Variants in CFAP54 observed in about 807,000 individuals in gnomAD.
CFAP54 encodes the protein cilia- and flagella-associated protein 54.
CFAP54 carries 290 observed loss-of-function variants against 370.4 expected under a neutral mutation model. The observed-to-expected ratio is 0.78, with a 90% CI of 0.71 to 0.86. The LOEUF is 0.86. Ranked by LOEUF, CFAP54 falls within the 40% of genes least tolerant of loss-of-function variation. CFAP54 has a pLI of 0.00. For missense variants in CFAP54, 3,399 were observed against 3,528.7 expected (o/e 0.96, Z 0.93); for synonymous variants, 1,206 against 1,236.5 (o/e 0.98, Z 0.52).
At chr12:96,573,451 C>T (rs1325152437) in intron 19 of CFAP54, among the ~76,000 whole-genome samples, 1 of 152,106 alleles carries the variant, frequency 6.6e-6, no homozygotes, top group Non-Finnish European at 1.5e-5. Context: ...CAAGGGAGTC[C>T]TGTTCTGTGG....
chr12:96,601,428 T>C (rs1453653432), intron 26 of CFAP54, among the ~76,000 whole-genome samples: 3 of 152,234 alleles, frequency 2.0e-5, no homozygotes, highest in African/African-American at 7.2e-5. Context: ...TTTTTTGTTG[T>C]GTCTCTGCTA....
intron 28 of CFAP54, 117 bp downstream of exon 28, chr12:96,623,998 C>T (rs976762606): frequency 1.5e-6 from 1 of 661,996 alleles, no homozygotes; most frequent in Non-Finnish European, 2.5e-6. Context: ...AAGGTTTACA[C>T]AGTGCTTTTA....
intron 2 of CFAP54, among the ~76,000 whole-genome samples, chr12:96,501,714 A>AT (rs1955028929): frequency 1.3e-5 from 2 of 152,072 alleles, no homozygotes; most frequent in African/African-American, 4.8e-5. Context: ...TCTCAACTTC[A>AT]TTTTTCCCCT....
intron 39 of CFAP54, among the ~76,000 whole-genome samples, chr12:96,678,463 G>C (rs1246335454): frequency 6.6e-6 from 1 of 152,090 alleles, no homozygotes; most frequent in Non-Finnish European, 1.5e-5. Context: ...TGTTGGCCAG[G>C]ATGGTCTCAA....
intron 28 of CFAP54, among the ~76,000 whole-genome samples, chr12:96,624,627 T>G (rs1263406010): frequency 6.6e-6 from 1 of 152,194 alleles, no homozygotes; most frequent in Non-Finnish European, 1.5e-5. Flanking sequence ...ACTTCAAATC[T>G]TCTAGAACAA....
Position 96,501,037 on chromosome 12 carries a change from T to G in CFAP54, c.423+98T>G, listed in dbSNP as rs564041703. 2.3e-5 allele frequency: 15 copies of G among 642,682 alleles called. No homozygotes were observed. The African/African-American group carries it at 2.6e-4, about 11-fold the overall frequency. The allele number at this position is 642,682 out of a possible 1,614,324, so 39.8% of individuals were successfully genotyped here. A position where few individuals can be genotyped will look rare whatever the true frequency, so the allele number is the denominator to read the frequency against. On this transcript the variant is annotated intron_variant, in intron 2 of 67. Coordinates refer to ENST00000524981, the MANE Select transcript of CFAP54 (RefSeq NM_001306084.2). ...ACCCTTCCTATTTTACATGTTTTGA[T>G]TTTTCTCTTAGAAAAAAATAAATGA...
At chr12:96,690,289 A>G (rs1370364132) in intron 43 of CFAP54, among the ~76,000 whole-genome samples, 1 of 152,338 alleles carries the variant, frequency 6.6e-6, no homozygotes, top group South Asian at 2.1e-4. Flanking sequence ...ACTACAAAGT[A>G]TTTTAGAATA....
intron 17 of CFAP54, among the ~76,000 whole-genome samples, chr12:96,559,686 A>G (rs937136505): frequency 6.6e-6 from 1 of 152,140 alleles, no homozygotes; most frequent in Non-Finnish European, 1.5e-5. Flanking sequence ...ATATACATGG[A>G]CATATCCATA....
intron 26 of CFAP54, among the ~76,000 whole-genome samples, chr12:96,607,431 A>T (rs1592878620): frequency 6.6e-6 from 1 of 152,210 alleles, no homozygotes; most frequent in Non-Finnish European, 1.5e-5. Flanking sequence ...TGAACAAATG[A>T]ATTTGATTTT....
intron 39 of CFAP54, among the ~76,000 whole-genome samples, chr12:96,669,394 A>G (rs928924269): frequency 6.6e-6 from 1 of 152,214 alleles, no homozygotes; most frequent in Admixed American, 6.5e-5. Context: ...AACCTTTGTC[A>G]GCTGCGTGGG....
intron 17 of CFAP54, 96 bp downstream of exon 17, chr12:96,554,898 T>G: frequency 8.2e-7 from 1 of 1,212,652 alleles, no homozygotes. Context: ...TCTTGTTGAC[T>G]TAAGTTTTCA....
chr12:96,715,061 C>G (rs76261927), intron 48 of CFAP54, among the ~76,000 whole-genome samples: 13,060 of 152,164 alleles, frequency 0.086, 804 homozygotes, highest in South Asian at 0.28. Flanking sequence ...AAGTTATTTG[C>G]TAATTTCTGT....
rs375680234 is a variant in CFAP54 at position 96,644,575 on chromosome 12, C to A, written c.4547+167C>A. Among the ~76,000 whole-genome samples the A allele has an allele frequency of 1.2e-4, 19 of 152,160 alleles. 1 individual carries two copies. In the South Asian group the frequency reaches 3.9e-3, roughly 32 times the overall value. On this transcript the variant is annotated intron_variant, in intron 33 of 67. Transcript: ENST00000524981. ...TCTCACACTGCTATAAAGAACTTCCCGAGACTGGTAATTTATAAAGGAAGA... is the reference window on the plus strand; with the variant it reads ...TCTCACACTGCTATAAAGAACTTCCAGAGACTGGTAATTTATAAAGGAAGA...
intron 60 of CFAP54, among the ~76,000 whole-genome samples, chr12:96,782,429 C>T (rs772339884): frequency 1.3e-5 from 2 of 151,980 alleles, no homozygotes; most frequent in African/African-American, 2.4e-5. Flanking sequence ...GAAGTACAGG[C>T]AATAAAAATA....
chr12:96,760,937 G>GT (rs1463842660), intron 58 of CFAP54, among the ~76,000 whole-genome samples: 15 of 152,034 alleles, frequency 9.9e-5, no homozygotes, highest in Non-Finnish European at 5.9e-5. Context: ...TCATATACAA[G>GT]TTTTTTTGTG....
intron 26 of CFAP54, 137 bp from the exon 27 acceptor site, chr12:96,621,453 C>A (rs567905731): frequency 5.6e-6 from 3 of 535,142 alleles, no homozygotes; most frequent in Non-Finnish European, 8.8e-6. Context: ...GGTAAACTTA[C>A]GGTTTTTTTT....
chr12:96,628,645 C>G (rs1956571038), intron 30 of CFAP54, among the ~76,000 whole-genome samples: 1 of 152,138 alleles, frequency 6.6e-6, no homozygotes, highest in Non-Finnish European at 1.5e-5. Context: ...AACATTTGCC[C>G]AAACGAATGT....
At chr12:96,818,103 C>T (rs188368703) in intron 65 of CFAP54, among the ~76,000 whole-genome samples, 190 bp downstream of exon 65, 19 of 152,196 alleles carry the variant, frequency 1.2e-4, no homozygotes, top group African/African-American at 4.3e-4. Flanking sequence ...TCTAAGCATA[C>T]GAATTACAAG....
chr12:96,851,274 G>A (rs549941226), intron 66 of CFAP54, among the ~76,000 whole-genome samples: 4 of 152,044 alleles, frequency 2.6e-5, no homozygotes, highest in South Asian at 2.1e-4. Flanking sequence ...TCATGATTTC[G>A]AAGGTAGTGG....
Sources: allele counts gnomAD v4.1 joint callset (sites outside exome capture counted in the v4.1 genomes callset), GRCh38; gene constraint gnomAD v4.1.1; transcripts MANE v1.5; gene names NCBI Gene and HGNC (gene_info 2026-07-23, HGNC 2026-07-21).